Variants in PIGQ observed in about 807,000 individuals in gnomAD.
The protein encoded by PIGQ is phosphatidylinositol glycan anchor biosynthesis class Q, also known as phosphatidylinositol N-acetylglucosaminyltransferase subunit Q.
PIGQ carries 54 observed loss-of-function variants against 60.3 expected under a neutral mutation model. The observed-to-expected ratio is 0.90, with a 90% confidence interval of 0.72 to 1.12. The LOEUF (loss-of-function observed/expected upper bound fraction) is 1.12, where lower values mean the gene tolerates loss of function less well. Ranked by LOEUF, PIGQ falls within the 50% of genes most tolerant of loss-of-function variation. The probability of loss-of-function intolerance (pLI) is 0.00; values close to 1 mark genes in which losing one functional copy is unlikely to be tolerated. For missense variants in PIGQ, 799 were observed against 793.5 expected (o/e 1.01, Z -0.08); for synonymous variants, 416 against 363.7 (o/e 1.14, Z -1.64).
chr16:582,266 TCCTCCGGCACGAGGCCGGCAGGCC>T lies in PIGQ; in HGVS notation c.1557_1580del (p.His520_Arg527del). On this transcript the variant is annotated inframe_deletion, in exon 10 of 11. Transcript: ENST00000321878. ...CTTGCAGCTGGCGTGAAGTTCCGTG[TCCTCCGGCACGAGGCCGGCAGGCC>T]CCTCCGCCTCCTGATGCAGGTGAGG... 1 of 1,607,144 alleles carries T rather than the reference TCCTCCGGCACGAGGCCGGCAGGCC, an allele frequency of 6.2e-7. No homozygotes were observed.
intron 4 of PIGQ, 158 bp downstream of exon 4, chr16:576,412 T>G: frequency 6.7e-6 from 6 of 894,714 alleles, no homozygotes; most frequent in Non-Finnish European, 9.9e-6. Context: ...AAGCAGGAAC[T>G]CCAGGGGCGC....
rs755321968 is a variant in PIGQ at position 583,779 on chromosome 16, C to G, written c.*744C>G. On this transcript the variant is annotated 3_prime_UTR_variant, in exon 11 of 11. Coordinates refer to ENST00000321878, the MANE Select transcript of PIGQ (RefSeq NM_004204.5). ...CAGGTCCTGCGGCCAAATCTGTCTC[C>G]CTTCATGGGCCTCCCAGGGAAGGAG... 2 of 868,174 alleles carry G rather than the reference C, an allele frequency of 2.3e-6. No homozygotes were observed. 53.8% of individuals were successfully genotyped at this position (868,174 alleles called of 1,614,324 possible).
chr16:580,394 C>T, intron 8 of PIGQ, 131 bp downstream of exon 8: 1 of 684,418 alleles, frequency 1.5e-6, no homozygotes, highest in Non-Finnish European at 2.5e-6. Context: ...CTTTCAGGAC[C>T]CTCTGGGCAG....
intron 2 of PIGQ, among the ~76,000 whole-genome samples, chr16:575,587 G>A (rs779232696): frequency 6.6e-5 from 10 of 152,184 alleles, no homozygotes; most frequent in Non-Finnish European, 1.0e-4. Flanking sequence ...GGCTCTGGGA[G>A]CATGTGGTGA....
rs2035791863 is a variant in PIGQ at position 580,331 on chromosome 16, G to A, written c.1416+68G>A. The A allele has an allele frequency of 7.1e-6, 9 of 1,266,540 alleles. No individual in the cohort carries two copies. In the Admixed American group the frequency reaches 1.5e-4, roughly 21 times the overall value. 78.5% of individuals were successfully genotyped at this position (1,266,540 alleles called of 1,614,324 possible). A position where few individuals can be genotyped will look rare whatever the true frequency, so the allele number is the denominator to read the frequency against. ...GTGTGGCTTCTGCCAGCGCTGCCTG[G>A]GAGCAGTCAGCTGTGGGGCGGGCTG... On this transcript the variant is annotated intron_variant, in intron 8 of 10. Transcript: ENST00000321878.
chr16:571,089 G>C (rs1396693312), intron 1 of PIGQ, among the ~76,000 whole-genome samples: 11 of 23,984 alleles, frequency 4.6e-4, no homozygotes, highest in African/African-American at 1.9e-3. Context: ...GTGTGTGTGT[G>C]TGTGTGTGTG....
intron 3 of PIGQ, 69 bp downstream of exon 3, chr16:576,039 C>T: frequency 6.5e-7 from 1 of 1,548,298 alleles, no homozygotes. Context: ...TCCCCCTCTG[C>T]ACCACGCTGA....
chr16:574,042 C>G, intron 1 of PIGQ, 24 bp from the exon 2 acceptor site: 1 of 1,530,246 alleles, frequency 6.5e-7, no homozygotes, highest in South Asian at 1.2e-5. Context: ...AGCTCTGAGC[C>G]GAGCCTCTCC....
rs1332957273 is a variant in PIGQ, at chr16:583,739, G to C, written c.*704G>C. 1.5e-6 allele frequency: 2 copies of C among 1,340,066 alleles called. No individual in the cohort carries two copies. The highest frequency in any genetic ancestry group is 1.7e-5 in the Admixed American group (1 of 58,832). The allele number at this position is 1,340,066 out of a possible 1,614,324, so 83.0% of individuals were successfully genotyped here. The stretch of plus-strand genomic sequence containing the variant: ...GACCCAGCCGTACCTATTCGTCCAC[G>C]GTGCCCCGTAGCAGCAGGTCCTGCG... On this transcript the variant is annotated 3_prime_UTR_variant, in exon 11 of 11. Transcript: ENST00000321878.
intron 8 of PIGQ, chr16:580,481 G>A: frequency 1.8e-6 from 1 of 553,340 alleles, no homozygotes; most frequent in South Asian, 2.5e-5. Flanking sequence ...GCACGCAGCT[G>A]GGTGCGTGGT....
chr16:575,987 G>C lies in PIGQ; in HGVS notation c.821+17G>C. ...GCTGATGAGGTGTGGGCCTGCCCTG[G>C]TCTCTGCAGGGCTGGGTGCGTGCCC... is the stretch of plus-strand genomic sequence containing the variant. On this transcript the variant is annotated intron_variant, in intron 3 of 10. Coordinates refer to ENST00000321878, the MANE Select transcript of PIGQ (RefSeq NM_004204.5). 6.3e-7 allele frequency: 1 copy of C among 1,574,958 alleles called. No individual in the cohort carries two copies. Among genetic ancestry groups the C allele is most frequent in the Admixed American group, 1.8e-5 (1 of 54,106 alleles).
chr16:582,378 G>C (rs530534753), intron 10 of PIGQ, 69 bp downstream of exon 10: 1 of 1,202,910 alleles, frequency 8.3e-7, no homozygotes, highest in East Asian at 2.5e-5. Context: ...GGTCAGCTGG[G>C]TGTAGTGTCT....
At position 582,051 on chromosome 16, in the gene PIGQ, T is replaced by C. The variant is rs2018789; in HGVS notation, c.1532-197T>C. The stretch of plus-strand genomic sequence containing the variant: ...GATTACAGGCGTGAGCCACCGTGCC[T>C]GGCTGCAGGAGGCTTTGATGCCGGC... On this transcript the variant is annotated intron_variant, in intron 9 of 10. Coordinates refer to ENST00000321878, the MANE Select transcript of PIGQ (RefSeq NM_004204.5). 0.46 allele frequency: 298,843 copies of C among 650,758 alleles called. 72,678 individuals are homozygous for C. Among genetic ancestry groups the C allele is most frequent in the East Asian group, 0.67 (23,512 of 35,148 alleles). 40.3% of individuals were successfully genotyped at this position (650,758 alleles called of 1,614,324 possible). A position where few individuals can be genotyped will look rare whatever the true frequency, so the allele number is the denominator to read the frequency against.
In PIGQ at chr16:574,098, C is replaced by T; in HGVS notation, c.24C>T (p.Pro8=). The T allele has an allele frequency of 6.2e-7, 1 of 1,607,220 alleles. No homozygotes were observed. The highest frequency in any genetic ancestry group is 2.2e-5 in the East Asian group (1 of 44,782). The part of the protein sequence containing the change: MVLKAFF[P]TCCVSTDSGL... ...GCATGGTGCTCAAGGCCTTCTTCCCCACGTGCTGCGTCTCGACGGACAGCG... is the reference window on the plus strand; with the variant it reads ...GCATGGTGCTCAAGGCCTTCTTCCCTACGTGCTGCGTCTCGACGGACAGCG... The change falls in exon 2 of 11, where the codon CCC becomes CCT. Residue 8 remains proline (P), a synonymous_variant. Transcript: ENST00000321878.
At chr16:573,385 C>G (rs1325596326) in intron 1 of PIGQ, among the ~76,000 whole-genome samples, 1 of 152,102 alleles carries the variant, frequency 6.6e-6, no homozygotes, top group Non-Finnish European at 1.5e-5. Context: ...CCAGGCACTG[C>G]CGGGTGCCAC....
intron 1 of PIGQ, among the ~76,000 whole-genome samples, chr16:573,780 G>A (rs1395702210): frequency 5.3e-5 from 8 of 152,194 alleles, no homozygotes; most frequent in Admixed American, 3.3e-4. Context: ...CCTGGAAATG[G>A]GAGGGCAGGC....
Position 574,526 on chromosome 16 carries a change from A to G in PIGQ, c.452A>G (p.Gln151Arg). Residue 151 changes from glutamine (Q) to arginine (R), a missense_variant, in exon 2 of 11, where the codon CAG (glutamine) becomes CGG (arginine). Physicochemically the swap from Gln to Arg is conservative, Grantham distance 43. Coordinates refer to ENST00000321878, the MANE Select transcript of PIGQ (RefSeq NM_004204.5). ...LHLPTVLPDR[Q>R]AGATTASTGG... ...CTGCCCACCGTCCTGCCCGACCGCC[A>G]GGCTGGAGCCACCACTGCCAGCACG... 6.2e-7 allele frequency: 1 copy of G among 1,607,002 alleles called. No homozygotes were observed. Among genetic ancestry groups the G allele is most frequent in the Non-Finnish European group, 8.5e-7 (1 of 1,177,580 alleles).
chr16:574,963 G>A (rs2035695450), intron 2 of PIGQ, among the ~76,000 whole-genome samples, 200 bp downstream of exon 2: 1 of 152,232 alleles, frequency 6.6e-6, no homozygotes, highest in Non-Finnish European at 1.5e-5. Flanking sequence ...CCCTGGGGTA[G>A]AGCCAGGTCT....
chr16:580,324 C>T (rs1290422222), intron 8 of PIGQ, 61 bp downstream of exon 8: 2 of 1,336,982 alleles, frequency 1.5e-6, no homozygotes, highest in Non-Finnish European at 2.1e-6. Flanking sequence ...TCTGCCAGCG[C>T]TGCCTGGGAG....
Sources: allele counts gnomAD v4.1 joint callset (sites outside exome capture counted in the v4.1 genomes callset), GRCh38; gene constraint gnomAD v4.1.1; transcripts MANE v1.5; gene names NCBI Gene and HGNC (gene_info 2026-07-23, HGNC 2026-07-21).